Variants in TRMT11 observed in about 807,000 individuals in gnomAD.
TRMT11 encodes the protein tRNA methyltransferase 11.
TRMT11 carries 53 observed loss-of-function variants against 62.8 expected under a neutral mutation model. The ratio of observed to expected loss-of-function variants is 0.84; its 90% CI spans 0.68 to 1.06. The LOEUF (loss-of-function observed/expected upper bound fraction) is 1.06. TRMT11 is among the 50% of genes least tolerant of loss of function. The pLI, the probability that TRMT11 is intolerant of heterozygous loss-of-function variation, is 0.00. For missense variants in TRMT11, 556 were observed against 553.4 expected, an observed-to-expected ratio of 1.00 and a Z score of -0.05; for synonymous variants, 188 against 190.3, an observed-to-expected ratio of 0.99 and a Z score of 0.10.
At chr6:126,135,846 A>T (rs549746291) in intron 21 of TRMT11, among the ~76,000 whole-genome samples, 1 of 151,976 alleles carries the variant, frequency 6.6e-6, no homozygotes, top group East Asian at 1.9e-4. Context: ...ACAAATCAAT[A>T]AACACAATAC....
intron 7 of TRMT11, among the ~76,000 whole-genome samples, chr6:126,007,768 TATTA>T (rs1422490820): frequency 2.6e-5 from 4 of 152,032 alleles, no homozygotes; most frequent in Non-Finnish European, 4.4e-5. Flanking sequence ...AAAAACAGTT[TATTA>T]ATTATTTTGT....
At chr6:126,060,035 A>C (rs1486623704) in intron 17 of TRMT11, among the ~76,000 whole-genome samples, 2 of 152,244 alleles carry the variant, frequency 1.3e-5, no homozygotes, top group Non-Finnish European at 2.9e-5. Context: ...CTGTTTCTGC[A>C]GACCATGATG....
chr6:126,057,312 T>C lies in TRMT11; in HGVS notation c.*1437+4122T>C, dbSNP rs551865831. Among the ~76,000 whole-genome samples, 12 of 152,354 alleles carry C rather than the reference T, an allele frequency of 7.9e-5. No homozygotes were observed. The South Asian group carries it at 2.1e-3, about 26-fold the overall frequency. ...GATGCCAGGAATTGAATTGAATTCT[T>C]ATGTCTTAGGTTATCTTTGAAGCTA... On this transcript the variant is annotated intron_variant and NMD_transcript_variant, in intron 17 of 22. Transcript: ENST00000648977.
At chr6:126,223,732 G>A in the TRMT11 span, among the ~76,000 whole-genome samples, 3 of 152,064 alleles carry the variant, frequency 2.0e-5, no homozygotes, top group Admixed American at 2.0e-4. Flanking sequence ...AAATTTTTAC[G>A]GACAGTATCC....
At chr6:126,162,391 C>T (rs944486516) in intron 21 of TRMT11, among the ~76,000 whole-genome samples, 6 of 151,928 alleles carry the variant, frequency 3.9e-5, no homozygotes, top group African/African-American at 7.3e-5. Context: ...GTGTTATTTT[C>T]GAGGCCTCTG....
chr6:126,052,624 A>G (rs772517801), intron 16 of TRMT11, among the ~76,000 whole-genome samples: 5 of 152,202 alleles, frequency 3.3e-5, no homozygotes, highest in Non-Finnish European at 7.3e-5. Context: ...GGACCGGCCA[A>G]AAGCCTTTTC....
rs548985998 is a variant in TRMT11 at position 126,049,969 on chromosome 6, T to C, written c.*1370-3154T>C. Among the ~76,000 whole-genome samples, 51 of 152,152 alleles carry C rather than the reference T, an allele frequency of 3.4e-4. No homozygotes were observed. In the South Asian group the frequency reaches 6.6e-3, roughly 20 times the overall value. On this transcript the variant is annotated intron_variant and NMD_transcript_variant, in intron 16 of 22. Transcript: ENST00000648977. ...AGGGAAGGGTTCATGTGTATGATGG[T>C]GGGAAAGGACTTTGAAAAAGGTAGG...
At chr6:126,263,875 C>G in the TRMT11 span, among the ~76,000 whole-genome samples, 1 of 152,208 alleles carries the variant, frequency 6.6e-6, no homozygotes, top group Admixed American at 6.5e-5. Context: ...AGAGCAGTTT[C>G]TATTTTAGCT....
chr6:126,175,808 A>T (rs1778378793), upstream of TRMT11, among the ~76,000 whole-genome samples: 1 of 152,226 alleles, frequency 6.6e-6, no homozygotes, highest in African/African-American at 2.4e-5. Flanking sequence ...AACTAAAGTT[A>T]GCCTTAATGA....
chr6:126,106,800 C>T (rs955271497), intron 17 of TRMT11, among the ~76,000 whole-genome samples: 2 of 152,014 alleles, frequency 1.3e-5, no homozygotes, highest in Non-Finnish European at 2.9e-5. Flanking sequence ...TACATGTTAC[C>T]TATGACTTGA....
intron 21 of TRMT11, among the ~76,000 whole-genome samples, chr6:126,159,424 T>C (rs1381429444): frequency 6.6e-6 from 1 of 152,178 alleles, no homozygotes; most frequent in African/African-American, 2.4e-5. Context: ...CATAAAACTT[T>C]ATTTACAAAA....
chr6:126,176,713 A>G (rs373238365), upstream of TRMT11, among the ~76,000 whole-genome samples: 1 of 152,196 alleles, frequency 6.6e-6, no homozygotes, highest in South Asian at 2.1e-4. Context: ...GAGGCAAAGT[A>G]TGGGTAGTTT....
intron 1 of TRMT11, among the ~76,000 whole-genome samples, chr6:126,181,074 A>G: frequency 6.6e-6 from 1 of 152,054 alleles, no homozygotes; most frequent in Non-Finnish European, 1.5e-5. Flanking sequence ...ATTTTTTTTT[A>G]AAGGAATATT....
intron 16 of TRMT11, among the ~76,000 whole-genome samples, chr6:126,050,826 C>T (rs1451982826): frequency 2.0e-5 from 3 of 152,170 alleles, no homozygotes; most frequent in Admixed American, 6.5e-5. Flanking sequence ...AGATGGAAGA[C>T]ATTTTACTCA....
chr6:126,180,794 TCTGA>T (rs1192141181), intron 1 of TRMT11, among the ~76,000 whole-genome samples: 2 of 152,322 alleles, frequency 1.3e-5, no homozygotes, highest in African/African-American at 4.8e-5. Context: ...CTTGTCTTAC[TCTGA>T]CTGCTAAAGT....
chr6:126,140,639 G>A (rs570456817), intron 21 of TRMT11, among the ~76,000 whole-genome samples: 51 of 152,156 alleles, frequency 3.4e-4, no homozygotes, highest in African/African-American at 1.2e-3. Flanking sequence ...ATATAGGTAT[G>A]CTAAAATTTC....
Position 126,021,981 on chromosome 6 carries a change from AC to A in TRMT11, c.1260+706del, listed in dbSNP as rs200189664. 7.0e-3 allele frequency among the ~76,000 whole-genome samples: 1,044 copies of A among 149,932 alleles called. 13 individuals are homozygous for A. Among genetic ancestry groups the A allele is most frequent in the African/African-American group, 0.025 (1,012 of 40,628 alleles). On this transcript the variant is annotated intron_variant, in intron 12 of 12. Transcript: ENST00000334379. ...CTTAAATTCACTGGAAACTTGGATG[AC>A]CCCCATTCTTGCTTTGGACCTTTAA...
intron 21 of TRMT11, among the ~76,000 whole-genome samples, chr6:126,152,138 G>C (rs1208844939): frequency 2.7e-5 from 4 of 150,726 alleles, no homozygotes; most frequent in African/African-American, 9.8e-5. Flanking sequence ...GGGTAAGTAT[G>C]GTAGTGGGTA....
At chr6:126,016,748 C>A (rs1795042756) in intron 11 of TRMT11, among the ~76,000 whole-genome samples, 1 of 145,592 alleles carries the variant, frequency 6.9e-6, no homozygotes, top group Non-Finnish European at 1.5e-5. Flanking sequence ...TAGATTTCTT[C>A]TAGTTACGTG....
Sources: gnomAD v4.1 joint callset for allele counts (sites outside exome capture counted in the v4.1 genomes callset) on GRCh38, gnomAD v4.1.1 for gene constraint, MANE v1.5 for transcripts, NCBI Gene and HGNC (gene_info 2026-07-23, HGNC 2026-07-21) for gene names.